Variants in LRFN5 observed in about 807,000 individuals in gnomAD.
LRFN5 encodes the protein leucine-rich repeat and fibronectin type-III domain-containing protein 5.
Under a neutral mutation model 45.6 loss-of-function variants are expected in LRFN5, and 24 were observed. The ratio of observed to expected loss-of-function variants is 0.53; its 90% CI spans 0.38 to 0.74. The LOEUF is 0.74. Among genes scored for constraint, LRFN5 ranks in the 30% least tolerant of loss-of-function variants. LRFN5 has a pLI of 0.00. For synonymous variants in LRFN5, 340 were observed against 313.8 expected, an observed-to-expected ratio of 1.08 and a Z score of -0.88; for missense variants, 776 against 861.5, an observed-to-expected ratio of 0.90 and a Z score of 1.24.
At chr14:41,862,070 C>T (rs550554419) in intron 2 of LRFN5, among the ~76,000 whole-genome samples, 1 of 152,314 alleles carries the variant, frequency 6.6e-6, no homozygotes, top group African/African-American at 2.4e-5. Context: ...CTCCTATTGT[C>T]ATGTAAGACG....
chr14:41,890,143 C>T (rs1057228577), intron 3 of LRFN5, among the ~76,000 whole-genome samples: 4 of 151,986 alleles, frequency 2.6e-5, no homozygotes, highest in African/African-American at 9.7e-5. Context: ...GGATTACAGG[C>T]ATGAGCCACC....
chr14:41,641,062 T>TA (rs1012695224), intron 1 of LRFN5, among the ~76,000 whole-genome samples: 13 of 151,610 alleles, frequency 8.6e-5, no homozygotes, highest in African/African-American at 2.4e-4. Context: ...AGACAAAGAA[T>TA]AAAAAAAAAT....
At chr14:41,750,267 T>TTATATATATATATATATATA (rs60275061) in intron 1 of LRFN5, among the ~76,000 whole-genome samples, 1 of 144,384 alleles carries the variant, frequency 6.9e-6, no homozygotes, top group Non-Finnish European at 1.5e-5. Context: ...GTAACTTTTC[T>TTATATATATATATATATATA]TATATATATA....
At chr14:41,886,520 T>C in intron 2 of LRFN5, 86 bp from the exon 3 acceptor site, 2 of 883,700 alleles carry the variant, frequency 2.3e-6, no homozygotes, top group Non-Finnish European at 3.4e-6. Flanking sequence ...CTATTCTAGA[T>C]TGCATACAAA....
chr14:41,763,296 G>A (rs1018138171), intron 1 of LRFN5, among the ~76,000 whole-genome samples: 1 of 152,144 alleles, frequency 6.6e-6, no homozygotes, highest in Admixed American at 6.5e-5. Context: ...TCCTACCTTT[G>A]TTGATTTTAA....
rs192821036 is a variant in LRFN5 at position 41,848,263 on chromosome 14, T to C, written c.-20-38343T>C. Among the ~76,000 whole-genome samples the C allele has an allele frequency of 1.8e-4, 28 of 152,188 alleles. 1 individual carries two copies. The East Asian group carries it at 5.0e-3, about 27-fold the overall frequency. ...AAAACAAACAAACATTGAAAACCTGTCTTGGTATCGTAGAATAAGAAGCTG... is the reference window on the plus strand; with the variant it reads ...AAAACAAACAAACATTGAAAACCTGCCTTGGTATCGTAGAATAAGAAGCTG... On this transcript the variant is annotated intron_variant, in intron 2 of 5. Coordinates refer to ENST00000298119, the MANE Select transcript of LRFN5 (RefSeq NM_152447.5).
intron 2 of LRFN5, among the ~76,000 whole-genome samples, chr14:41,773,671 C>G (rs1324484866): frequency 6.6e-6 from 1 of 152,086 alleles, no homozygotes; most frequent in East Asian, 1.9e-4. Flanking sequence ...AGGCAGTACA[C>G]TGCAGAAATA....
intron 1 of LRFN5, among the ~76,000 whole-genome samples, chr14:41,751,860 C>T (rs949912753): frequency 6.6e-6 from 1 of 151,992 alleles, no homozygotes; most frequent in Non-Finnish European, 1.5e-5. Flanking sequence ...GTGTGCTGCA[C>T]CCATTAACTT....
At chr14:41,615,750 T>G (rs1440031562) in intron 1 of LRFN5, among the ~76,000 whole-genome samples, 1 of 152,152 alleles carries the variant, frequency 6.6e-6, no homozygotes, top group African/African-American at 2.4e-5. Context: ...GGACAAGGCA[T>G]TCGGGTTCTT....
chr14:41,789,644 C>T (rs1378283454), intron 2 of LRFN5, among the ~76,000 whole-genome samples: 1 of 151,964 alleles, frequency 6.6e-6, no homozygotes, highest in Non-Finnish European at 1.5e-5. Flanking sequence ...TCAAAAAGTA[C>T]ACTCTGCATC....
At chr14:41,752,480 C>T (rs1171161438) in intron 1 of LRFN5, among the ~76,000 whole-genome samples, 1 of 152,146 alleles carries the variant, frequency 6.6e-6, no homozygotes, top group East Asian at 1.9e-4. Context: ...GATGATATCT[C>T]ATTGTGGTTT....
intron 1 of LRFN5, among the ~76,000 whole-genome samples, chr14:41,706,899 G>A (rs574019415): frequency 2.6e-5 from 4 of 152,004 alleles, no homozygotes; most frequent in Non-Finnish European, 5.9e-5. Context: ...CTGGGTCCTG[G>A]GTCCAGTCTG....
At chr14:41,612,368 T>A (rs1887786820) in intron 1 of LRFN5, among the ~76,000 whole-genome samples, 1 of 152,218 alleles carries the variant, frequency 6.6e-6, no homozygotes, top group Non-Finnish European at 1.5e-5. Flanking sequence ...CTTAACTGGC[T>A]AACCTATTAG....
chr14:41,866,901 C>A (rs76842004), intron 2 of LRFN5, among the ~76,000 whole-genome samples: 2 of 151,968 alleles, frequency 1.3e-5, no homozygotes, highest in Non-Finnish European at 2.9e-5. Flanking sequence ...CAGAATATGA[C>A]CTAGATTATA....
At position 41,873,612 on chromosome 14, in the gene LRFN5, TC is replaced by T. The variant is rs202036877; in HGVS notation, c.-20-12993del. On this transcript the variant is annotated intron_variant, in intron 2 of 5. Coordinates refer to ENST00000298119, the MANE Select transcript of LRFN5 (RefSeq NM_152447.5). ...GTCCTTCTGTATGTGGGTATGCCTT[TC>T]TTCTCCCATTTTTCATGTTCACAGA... Among the ~76,000 whole-genome samples, 1,042 of 152,282 alleles carry T rather than the reference TC, an allele frequency of 6.8e-3. 18 individuals are homozygous for T. Among genetic ancestry groups the T allele is most frequent in the African/African-American group, 0.024 (1,009 of 41,562 alleles).
chr14:41,804,279 C>T (rs1437799936), intron 2 of LRFN5, among the ~76,000 whole-genome samples: 2 of 151,852 alleles, frequency 1.3e-5, no homozygotes, highest in African/African-American at 4.8e-5. Context: ...GTTGGGGATG[C>T]AATCATAGGG....
intron 2 of LRFN5, among the ~76,000 whole-genome samples, chr14:41,804,978 T>A (rs1383672212): frequency 1.3e-5 from 2 of 152,110 alleles, no homozygotes; most frequent in Admixed American, 1.3e-4. Context: ...TAATTGTAAA[T>A]ATCTTTAGGC....
intron 1 of LRFN5, among the ~76,000 whole-genome samples, chr14:41,721,706 T>C (rs1359801517): frequency 3.3e-5 from 5 of 152,224 alleles, no homozygotes; most frequent in Admixed American, 6.5e-5. Context: ...CAGTCTCTTC[T>C]GGCTTATAAG....
At chr14:41,889,655 C>G (rs990422833) in intron 3 of LRFN5, among the ~76,000 whole-genome samples, 8 of 152,248 alleles carry the variant, frequency 5.3e-5, no homozygotes, top group African/African-American at 1.7e-4. Flanking sequence ...TCTGGAATCC[C>G]TGACCCTTTT....
Sources: allele counts gnomAD v4.1 joint callset (sites outside exome capture counted in the v4.1 genomes callset), GRCh38; gene constraint gnomAD v4.1.1; transcripts MANE v1.5; gene names NCBI Gene and HGNC (gene_info 2026-07-23, HGNC 2026-07-21).